Variants in ANKS1A observed in about 807,000 individuals in gnomAD.
The protein encoded by ANKS1A is ankyrin repeat and sterile alpha motif domain containing 1A.
A neutral mutation model predicts 120.3 loss-of-function variants in ANKS1A; 55 were observed. The ratio of observed to expected loss-of-function variants is 0.46; its 90% CI spans 0.37 to 0.57. The LOEUF is 0.57. Ranked by LOEUF, ANKS1A falls within the 20% of genes least tolerant of loss-of-function variation. ANKS1A has a pLI of 0.00. For missense variants in ANKS1A, 1,123 were observed against 1,480.3 expected, an observed-to-expected ratio of 0.76 and a Z score of 3.96; for synonymous variants, 590 against 604.7, an observed-to-expected ratio of 0.98 and a Z score of 0.36.
intron 3 of ANKS1A, among the ~76,000 whole-genome samples, chr6:34,980,576 A>G (rs924249240): frequency 3.9e-5 from 6 of 152,346 alleles, no homozygotes; most frequent in African/African-American, 1.4e-4. Context: ...CCTTTTGACC[A>G]CTGAAAGGTG....
At chr6:34,984,953 A>T in intron 7 of ANKS1A, 129 bp from the exon 8 acceptor site, 1 of 752,048 alleles carries the variant, frequency 1.3e-6, no homozygotes, top group Non-Finnish European at 2.2e-6. Flanking sequence ...GAACAAAGTA[A>T]TCATTTTCTT....
intron 13 of ANKS1A, among the ~76,000 whole-genome samples, chr6:35,062,592 G>A (rs1776564688): frequency 6.6e-6 from 1 of 152,228 alleles, no homozygotes; most frequent in Non-Finnish European, 1.5e-5. Context: ...AGGAGCGTCT[G>A]GAAACTGAGG....
At chr6:35,079,797 A>T (rs545960985) in intron 15 of ANKS1A, 24 bp from the exon 16 acceptor site, 5 of 1,590,418 alleles carry the variant, frequency 3.1e-6, no homozygotes, top group Non-Finnish European at 3.4e-6. Flanking sequence ...CTGACCTGTC[A>T]CCTCGCTGCT....
At chr6:35,011,854 A>T (rs894037911) in intron 10 of ANKS1A, among the ~76,000 whole-genome samples, 1 of 152,176 alleles carries the variant, frequency 6.6e-6, no homozygotes, top group Non-Finnish European at 1.5e-5. Context: ...AATGCTTCCC[A>T]CGGGCCAGCT....
intron 1 of ANKS1A, among the ~76,000 whole-genome samples, chr6:34,956,179 TTATTTA>T (rs1352250319): frequency 6.6e-6 from 1 of 151,376 alleles, no homozygotes; most frequent in Admixed American, 6.6e-5. Context: ...ATTTATATTT[TTATTTA>T]TATTATTATT....
At chr6:34,917,754 A>G (rs961441643) in intron 1 of ANKS1A, among the ~76,000 whole-genome samples, 3 of 152,250 alleles carry the variant, frequency 2.0e-5, no homozygotes, top group Non-Finnish European at 2.9e-5. Context: ...CCTATGGCCC[A>G]GATGGGTCTC....
rs905246705 is a variant in ANKS1A, at chr6:35,060,425, C to T, written c.2184+172C>T. Among the ~76,000 whole-genome samples the T allele has an allele frequency of 7.2e-5, 11 of 152,214 alleles. No homozygotes were observed. The highest frequency in any genetic ancestry group is 2.7e-4 in the African/African-American group (11 of 41,454). On this transcript the variant is annotated intron_variant, in intron 13 of 23. Coordinates refer to ENST00000360359, the MANE Select transcript of ANKS1A (RefSeq NM_015245.3). This position sits in a 1 kb window ranked among gnomAD's most constrained non-coding sequence, Gnocchi z 4.5. ...AAGTCAGCCAGGTGGTATGTGCCTT[C>T]TTCCCAAACTGTCCCTCTCCCTCTG...
In ANKS1A at chr6:34,976,096, C is replaced by T. The variant is rs895224321; in HGVS notation, c.436-5594C>T. On this transcript the variant is annotated intron_variant, in intron 3 of 23. Coordinates refer to ENST00000360359, the MANE Select transcript of ANKS1A (RefSeq NM_015245.3). Reference sequence around the variant, plus strand: ...GAAGTTGCAGTGAGCCAAGGTTACGCCACTGCACTCCAACCTGGATGACAG... The same window carrying T: ...GAAGTTGCAGTGAGCCAAGGTTACGTCACTGCACTCCAACCTGGATGACAG... 5.7e-5 allele frequency among the ~76,000 whole-genome samples: 8 copies of T among 139,774 alleles called. 1 individual carries two copies. In the South Asian group the frequency reaches 1.1e-3, roughly 20 times the overall value. 91.7% of individuals were successfully genotyped at this position (139,774 alleles called of 152,430 possible).
Position 34,956,347 on chromosome 6 carries a change from G to GT in ANKS1A, c.198-10885dup, listed in dbSNP as rs532168384. Among the ~76,000 whole-genome samples, 474 of 150,524 alleles carry GT rather than the reference G, an allele frequency of 3.1e-3. 3 individuals are homozygous for GT. The highest frequency in any genetic ancestry group is 4.6e-3 in the Non-Finnish European group (310 of 67,628). On this transcript the variant is annotated intron_variant, in intron 1 of 23. Coordinates refer to ENST00000360359, the MANE Select transcript of ANKS1A (RefSeq NM_015245.3). The stretch of plus-strand genomic sequence containing the variant: ...TCATATCTTTGAGTCATTTTTTTCT[G>GT]TTTTTTTGGGTTTTTTTTGTGTGTG...
Position 34,983,450 on chromosome 6 carries a change from A to ACCC in ANKS1A, c.1012+25_1012+26insCCC, listed in dbSNP as rs750573066. 4.5e-6 allele frequency: 7 copies of ACCC among 1,560,230 alleles called. No homozygotes were observed. In the East Asian group the frequency reaches 1.6e-4, roughly 35 times the overall value. On this transcript the variant is annotated intron_variant, in intron 7 of 23. Coordinates refer to ENST00000360359, the MANE Select transcript of ANKS1A (RefSeq NM_015245.3). ...GGTAAGGTAACTCTCCCCTATGAGT[A>ACCC]AAGGGGTGCTCAGCTTGAAAAGAGT...
At chr6:35,062,203 A>AG (rs754699987) in intron 13 of ANKS1A, among the ~76,000 whole-genome samples, 62 of 152,344 alleles carry the variant, frequency 4.1e-4, no homozygotes, top group Admixed American at 1.8e-3. Context: ...CAGTCCTTCC[A>AG]GGGGCTCTCA....
chr6:35,004,033 A>G (rs1170523571), intron 10 of ANKS1A, among the ~76,000 whole-genome samples: 2 of 152,206 alleles, frequency 1.3e-5, no homozygotes, highest in African/African-American at 2.4e-5. Context: ...TCTATAGATT[A>G]TAGAAAGACA....
chr6:34,901,873 C>T (rs1767366599), intron 1 of ANKS1A, among the ~76,000 whole-genome samples: 1 of 151,984 alleles, frequency 6.6e-6, no homozygotes, highest in South Asian at 2.1e-4. Context: ...ATCATGGCTA[C>T]CAAAAAGACG....
chr6:34,898,865 G>A (rs1581662428), intron 1 of ANKS1A, among the ~76,000 whole-genome samples: 1 of 152,110 alleles, frequency 6.6e-6, no homozygotes, highest in Non-Finnish European at 1.5e-5. Flanking sequence ...TGGTATATAT[G>A]AATTGTAATT....
rs1777878177 is a variant in ANKS1A at position 35,084,825 on chromosome 6, C to T, written c.3132+567C>T. Among the ~76,000 whole-genome samples the T allele has an allele frequency of 6.6e-6, 1 of 152,144 alleles. No homozygotes were observed. The stretch of plus-strand genomic sequence containing the variant: ...AGGCTCGGCTCTGGATGCCACTGGG[C>T]CGAGGAGAGTTCATTCTCACACAGC... On this transcript the variant is annotated intron_variant, in intron 21 of 23. Transcript: ENST00000360359. The surrounding 1 kb of genome is among the most constrained non-coding windows in gnomAD (Gnocchi z 4.8).
downstream of ANKS1A, among the ~76,000 whole-genome samples, chr6:35,093,440 GA>G (rs1200893946): frequency 5.3e-5 from 8 of 152,148 alleles, no homozygotes; most frequent in Admixed American, 1.3e-4. Context: ...CGTGGTTTGA[GA>G]AAGGCCTTTC....
intron 1 of ANKS1A, among the ~76,000 whole-genome samples, chr6:34,936,087 T>C (rs201116135): frequency 5.4e-5 from 7 of 128,762 alleles, no homozygotes; most frequent in African/African-American, 2.1e-4. Flanking sequence ...AAAAAAAAAA[T>C]ACTTTCTCCT....
At position 35,041,298 on chromosome 6, in the gene ANKS1A, C is replaced by T. The variant is rs373477252; in HGVS notation, c.2011-12801C>T. On this transcript the variant is annotated intron_variant, in intron 11 of 23. Coordinates refer to ENST00000360359, the MANE Select transcript of ANKS1A (RefSeq NM_015245.3). ...AGTTGTTGGCAGCAATCAATGCTTA[C>T]AAAACAGCTGAGACTGGTGGGCTGT... Among the ~76,000 whole-genome samples the T allele has an allele frequency of 2.6e-5, 4 of 152,290 alleles. No homozygotes were observed. In the East Asian group the frequency reaches 5.8e-4, roughly 22 times the overall value.
In ANKS1A at chr6:35,057,128, A is replaced by C. The variant is rs890309736; in HGVS notation, c.2077+2963A>C. ...CCACTGGTTTTGCAGAGGCGCCCGC[A>C]CCCCCCAGCCGAAGGGCACGACCAC... On this transcript the variant is annotated intron_variant, in intron 12 of 23. Transcript: ENST00000360359. This position sits in a 1 kb window ranked among gnomAD's most constrained non-coding sequence, Gnocchi z 4.1. Among the ~76,000 whole-genome samples the C allele has an allele frequency of 9.9e-5, 15 of 151,612 alleles. No individual in the cohort carries two copies. The East Asian group carries it at 2.5e-3, about 26-fold the overall frequency.
Sources: gnomAD v4.1 joint callset for allele counts (sites outside exome capture counted in the v4.1 genomes callset) on GRCh38, gnomAD v4.1.1 for gene constraint, Gnocchi (gnomAD v3.1) non-coding constraint, MANE v1.5 for transcripts, NCBI Gene and HGNC (gene_info 2026-07-23, HGNC 2026-07-21) for gene names.